Variants in NLRP6 observed in about 807,000 individuals in gnomAD.
The protein encoded by NLRP6 is NLR family pyrin domain containing 6.
NLRP6 carries 55 observed loss-of-function variants against 70.9 expected under a neutral mutation model. That is an observed-to-expected ratio of 0.78 (90% CI 0.62 to 0.97). The LOEUF is 0.97. Ranked by LOEUF, NLRP6 falls within the 50% of genes least tolerant of loss-of-function variation. The pLI is 0.00. For synonymous variants in NLRP6, 652 were observed against 581.9 expected (o/e 1.12, Z -1.73); for missense variants, 1,241 against 1,238.3 (o/e 1.00, Z -0.03).
Position 282,696 on chromosome 11 carries a change from T to C in NLRP6, c.2106-9T>C. The stretch of plus-strand genomic sequence containing the variant: ...AGGGTGGGCTTCACCTTCCTCTCTC[T>C]CCCAGCAGTTCTCAAGGCACCACAA... On this transcript the variant is annotated splice_polypyrimidine_tract_variant and intron_variant, in intron 4 of 7. Coordinates refer to ENST00000534750, the MANE Select transcript of NLRP6 (RefSeq NM_001276700.2). The C allele has an allele frequency of 6.2e-7, 1 of 1,610,958 alleles. No homozygotes were observed. Among genetic ancestry groups the C allele is most frequent in the African/African-American group, 1.3e-5 (1 of 74,970 alleles).
In NLRP6 at chr11:282,811, C is replaced by T. The variant is rs370246913; in HGVS notation, c.2198+14C>T. On this transcript the variant is annotated intron_variant, in intron 5 of 7. Transcript: ENST00000534750. ...GAGCAGCCTCACGTGAGTGGCCACACCCCCAGCTCTTCCCACGGAGCGGGC... is the reference window on the plus strand; with the variant it reads ...GAGCAGCCTCACGTGAGTGGCCACATCCCCAGCTCTTCCCACGGAGCGGGC... The T allele has an allele frequency of 4.4e-6, 7 of 1,573,940 alleles. No individual in the cohort carries two copies. The highest frequency in any genetic ancestry group is 6.1e-6 in the Non-Finnish European group (7 of 1,143,716).
At chr11:281,877 GGT>G in intron 4 of NLRP6, 38 bp downstream of exon 4, 1 of 1,528,006 alleles carries the variant, frequency 6.5e-7, no homozygotes, top group Non-Finnish European at 8.8e-7. Context: ...TTGTGTGTGA[GGT>G]GTGTGTGCCG....
At chr11:282,587 C>T in intron 4 of NLRP6, 118 bp from the exon 5 acceptor site, 2 of 797,380 alleles carry the variant, frequency 2.5e-6, no homozygotes, top group Admixed American at 1.9e-5. Context: ...GGTGGCTCAG[C>T]AAGGAGGTGA....
rs764468719 is a variant in NLRP6, at chr11:284,584, A to G, written c.2479A>G (p.Met827Val). Residue 827 changes from methionine (M) to valine (V), a missense_variant, in exon 7 of 8, where the codon ATG (methionine) becomes GTG (valine). Met to Val is a conservative substitution (Grantham distance 21). Transcript: ENST00000534750. ...CAGCGGCTGCCAACTGCCCGCCCCC[A>G]TGGTGACCTACCTGTGTGCAGTCCT... is the stretch of plus-strand genomic sequence containing the variant. ...DLSGCQLPAP[M>V]VTYLCAVLQH... 3 of 1,611,896 alleles carry G rather than the reference A, an allele frequency of 1.9e-6. No homozygotes were observed. Among genetic ancestry groups the G allele is most frequent in the East Asian group, 4.5e-5 (2 of 44,864 alleles).
At position 284,255 on chromosome 11, in the gene NLRP6, G is replaced by C. The variant is rs142922223; in HGVS notation, c.2224G>C (p.Ala742Pro). 2 of 1,613,218 alleles carry C rather than the reference G, an allele frequency of 1.2e-6. No homozygotes were observed. Among genetic ancestry groups the C allele is most frequent in the Non-Finnish European group, 1.7e-6 (2 of 1,179,996 alleles). ...GCTGTCCCACTGCAAACTCCCTGAC[G>C]CGGTCTGCCGAGACCTTTCTGAGGC... ...LTLSHCKLPD[A>P]VCRDLSEALR... The change falls in exon 6 of 8, where the codon GCG becomes CCG. Residue 742 changes from alanine to proline, a missense_variant. Transcript: ENST00000534750.
Position 279,850 on chromosome 11 carries a change from C to T in NLRP6, c.327C>T (p.Ser109=), listed in dbSNP as rs945617548. ...ERRLQRLGLG[S]GTLLSVSEYK... ...CCCTTCCAGGGCTCGGGCTCGGCTC[C>T]GGGACGCTGCTCTCCGTGTCCGGTG... The change falls in exon 3 of 8, where the codon TCC becomes TCT. Residue 109 remains serine (S), a synonymous_variant. Transcript: ENST00000534750. 4 of 1,563,344 alleles carry T rather than the reference C, an allele frequency of 2.6e-6. No individual in the cohort carries two copies. The African/African-American group carries it at 4.2e-5, about 16-fold the overall frequency.
intron 3 of NLRP6, 79 bp from the exon 4 acceptor site, chr11:280,005 G>A: frequency 7.1e-7 from 1 of 1,415,566 alleles, no homozygotes. Context: ...AGCAGGGCCG[G>A]GGAGGGCGTG....
At position 284,503 on chromosome 11, in the gene NLRP6, C is replaced by T. The variant is rs138570601; in HGVS notation, c.2398C>T (p.Leu800Phe). 1,171 of 1,612,956 alleles carry T rather than the reference C, an allele frequency of 7.3e-4. No individual in the cohort carries two copies. The highest frequency in any genetic ancestry group is 9.2e-4 in the Non-Finnish European group (1,084 of 1,179,868). The change falls in exon 7 of 8, where the codon CTC (leucine) becomes TTC (phenylalanine). Residue 800 changes from leucine to phenylalanine, a missense_variant. Transcript: ENST00000534750. The stretch of plus-strand genomic sequence containing the variant: ...ACAGCTGCCTGACCCCCAGCGAGGG[C>T]TCCAGTACCTGGTGGGTATGCTTCG... ...RVQLPDPQRGLQYLVGMLRQS... is the reference protein window; with the variant it reads ...RVQLPDPQRGFQYLVGMLRQS...
At chr11:282,590 G>A in intron 4 of NLRP6, 115 bp from the exon 5 acceptor site, 1 of 809,866 alleles carries the variant, frequency 1.2e-6, no homozygotes, top group Non-Finnish European at 2.2e-6. Flanking sequence ...GGCTCAGCAA[G>A]GAGGTGAGGA....
Position 280,761 on chromosome 11 carries a change from T to G in NLRP6, c.1027T>G (p.Cys343Gly). ...GCAGGGCCGCCTGTGTTCCCCGCAG[T>G]GCGCCGAGGTGCGCGGCTTCTCCGA... ...RLQGRLCSPQ[C>G]AEVRGFSDKD... Residue 343 changes from cysteine to glycine, a missense_variant, in exon 4 of 8, where the codon TGC becomes GGC. Coordinates refer to ENST00000534750, the MANE Select transcript of NLRP6 (RefSeq NM_001276700.2). 6.2e-7 allele frequency: 1 copy of G among 1,609,366 alleles called. No individual in the cohort carries two copies. The highest frequency in any genetic ancestry group is 8.5e-7 in the Non-Finnish European group (1 of 1,177,886).
In NLRP6 at chr11:281,449, A is replaced by T; in HGVS notation, c.1715A>T (p.Lys572Met). The change falls in exon 4 of 8, where the codon AAG becomes ATG. Residue 572 changes from lysine to methionine, a missense_variant. Transcript: ENST00000534750. ...HFGCMVSERVKQEALRWVQGQ... is the reference protein window; with the variant it reads ...HFGCMVSERVMQEALRWVQGQ... ...GGCTGCATGGTTTCAGAGCGTGTGA[A>T]GCAGGAGGCCCTGCGGTGGGTGCAG... 1 of 1,601,258 alleles carries T rather than the reference A, an allele frequency of 6.2e-7. No homozygotes were observed. The highest frequency in any genetic ancestry group is 8.5e-7 in the Non-Finnish European group (1 of 1,172,792).
intron 5 of NLRP6, 71 bp downstream of exon 5, chr11:282,868 G>A: frequency 8.9e-7 from 1 of 1,124,824 alleles, no homozygotes; most frequent in Non-Finnish European, 1.4e-6. Context: ...AGAGACGGAA[G>A]TATGACCTAG....
chr11:285,132 G>A lies in NLRP6; in HGVS notation c.2538-34G>A, dbSNP rs377671392. On this transcript the variant is annotated intron_variant, in intron 7 of 7. Transcript: ENST00000534750. ...CAAGCCCTGGCTGCTTTCCCCCACC[G>A]CTGACCCCGCTTCTGCTCTGCGTGT... The A allele has an allele frequency of 8.7e-5, 135 of 1,558,434 alleles. 2 individuals carry two copies. Among genetic ancestry groups the A allele is most frequent in the Middle Eastern group, 3.4e-4 (2 of 5,820 alleles).
chr11:281,651 C>G lies in NLRP6; in HGVS notation c.1917C>G (p.Cys639Trp). The G allele has an allele frequency of 6.2e-7, 1 of 1,613,366 alleles. No individual in the cohort carries two copies. Among genetic ancestry groups the G allele is most frequent in the East Asian group, 2.2e-5 (1 of 44,888 alleles). The change falls in exon 4 of 8, where the codon TGC becomes TGG. Residue 639 changes from cysteine to tryptophan, a missense_variant. By Grantham distance (215) the Cys-to-Trp change is radical. Transcript: ENST00000534750. ...ACGCGTTTGTGCGCCAAGCCCTGTG[C>G]CGGTTCCCGGAGCTGGCGCTGCAGC... ...QEDAFVRQAL[C>W]RFPELALQRV...
In NLRP6 at chr11:285,358, G is replaced by C. The variant is rs573909203; in HGVS notation, c.*54G>C. On this transcript the variant is annotated 3_prime_UTR_variant, in exon 8 of 8. Coordinates refer to ENST00000534750, the MANE Select transcript of NLRP6 (RefSeq NM_001276700.2). ...ACCCTAGTCAAAGTCCCTGTGGAGA[G>C]AACGGCCCATTCCAAGGGCAGGAGG... is the stretch of plus-strand genomic sequence containing the variant. 1.4e-5 allele frequency: 22 copies of C among 1,572,964 alleles called. No individual in the cohort carries two copies. In the African/African-American group the frequency reaches 2.6e-4, roughly 18 times the overall value.
At position 284,339 on chromosome 11, in the gene NLRP6, G is replaced by T; in HGVS notation, c.2308G>T (p.Ala770Ser). 1 of 1,611,260 alleles carries T rather than the reference G, an allele frequency of 6.2e-7. No homozygotes were observed. Among genetic ancestry groups the T allele is most frequent in the South Asian group, 1.1e-5 (1 of 91,040 alleles). ...LGLLHNRLSE[A>S]GLRMLSEGLA... ...CCTCCTCCACAACAGGCTCAGTGAG[G>T]CGGGACTGCGTATGCTGAGTGAGGG... The change falls in exon 6 of 8, where the codon GCG becomes TCG. Residue 770 changes from alanine to serine, a missense_variant. By Grantham distance (99) the Ala-to-Ser change is moderately conservative (BLOSUM62 1). Transcript: ENST00000534750.
In NLRP6 at chr11:278,679, T is replaced by G; in HGVS notation, c.29+81T>G. 1 of 1,146,572 alleles carries G rather than the reference T, an allele frequency of 8.7e-7. No homozygotes were observed. The highest frequency in any genetic ancestry group is 1.2e-6 in the Non-Finnish European group (1 of 806,720). The allele number at this position is 1,146,572 out of a possible 1,614,324, so 71.0% of individuals were successfully genotyped here. On this transcript the variant is annotated intron_variant, in intron 1 of 7. Transcript: ENST00000534750. This position sits in a 1 kb window ranked among gnomAD's most constrained non-coding sequence, Gnocchi z 4.7. ...GCCTCCACCTCACCCGCTGACTTCC[T>G]CAGGCTCTCCACCCTTGTCCACATC...
rs776487848 is a variant in NLRP6 at position 282,749 on chromosome 11, CA to C, written c.2151del (p.Leu718SerfsTer5). 1 of 1,614,166 alleles carries C rather than the reference CA, an allele frequency of 6.2e-7. No individual in the cohort carries two copies. The highest frequency in any genetic ancestry group is 1.1e-5 in the South Asian group (1 of 91,082). ...TKQLPASLLH[P>X]LFQAMTDPLC... Reference sequence around the variant, plus strand: ...CAACTGCCAGCCTCCCTTCTTCATCCACTCTTTCAGGCAATGACTGACCCAC... The same window carrying C: ...CAACTGCCAGCCTCCCTTCTTCATCCCTCTTTCAGGCAATGACTGACCCAC... On this transcript the variant is annotated frameshift_variant, in exon 5 of 8. Coordinates refer to ENST00000534750, the MANE Select transcript of NLRP6 (RefSeq NM_001276700.2). LOFTEE classifies it high-confidence loss of function.
At chr11:283,308 GTTC>G (rs1845504484) in intron 5 of NLRP6, among the ~76,000 whole-genome samples, 1 of 130,722 alleles carries the variant, frequency 7.6e-6, no homozygotes, top group Admixed American at 8.3e-5. Flanking sequence ...CACATGTACA[GTTC>G]TTTTTTTTTT....
Sources: gnomAD v4.1 joint callset for allele counts (sites outside exome capture counted in the v4.1 genomes callset) on GRCh38, gnomAD v4.1.1 for gene constraint, Gnocchi (gnomAD v3.1) non-coding constraint, MANE v1.5 for transcripts, NCBI Gene and HGNC (gene_info 2026-07-23, HGNC 2026-07-21) for gene names.